The following BAZ2B variants were observed in gnomAD, a reference collection of about 807,000 sequenced individuals.
The protein encoded by BAZ2B is bromodomain adjacent to zinc finger domain 2B.
BAZ2B carries 91 observed loss-of-function variants against 246.0 expected under a neutral mutation model. The ratio of observed to expected loss-of-function variants is 0.37; its 90% CI spans 0.31 to 0.44. The LOEUF (loss-of-function observed/expected upper bound fraction) is 0.44, where lower values mean the gene tolerates loss of function less well. Ranked by LOEUF, BAZ2B falls within the 20% of genes least tolerant of loss-of-function variation. The pLI is 1.00. For synonymous variants in BAZ2B, 855 were observed against 860.0 expected, an observed-to-expected ratio of 0.99 and a Z score of 0.10; for missense variants, 2,332 against 2,533.7, an observed-to-expected ratio of 0.92 and a Z score of 1.71.
Position 159,446,801 on chromosome 2 carries a change from A to G in BAZ2B, c.677T>C (p.Val226Ala), listed in dbSNP as rs1559453153. ...ACTTACCTTATCTTTGATTTTGTCAACTCTAGCATCCAAAGGCTGGTTTTT... is the reference window on the plus strand; with the variant it reads ...ACTTACCTTATCTTTGATTTTGTCAGCTCTAGCATCCAAAGGCTGGTTTTT... The part of the protein sequence containing the change: ...QSKNQPLDAR[V>A]DKIKDKKPRK... Residue 226 changes from valine to alanine, a missense_variant, in exon 6 of 37, where the codon GTT (valine) becomes GCT (alanine). Val to Ala is a moderately conservative substitution (Grantham distance 64, BLOSUM62 0). Transcript: ENST00000392783. The G allele has an allele frequency of 6.2e-7, 1 of 1,608,958 alleles. No individual in the cohort carries two copies. The highest frequency in any genetic ancestry group is 2.2e-5 in the East Asian group (1 of 44,756).
At chr2:159,684,878 GTA>G in the BAZ2B span, among the ~76,000 whole-genome samples, 1 of 152,034 alleles carries the variant, frequency 6.6e-6, no homozygotes, top group African/African-American at 2.4e-5. Context: ...GATCAAAAAG[GTA>G]TTTTTAAAAC....
intron 2 of BAZ2B, among the ~76,000 whole-genome samples, chr2:159,552,110 C>T (rs1252611743): frequency 1.3e-5 from 2 of 152,186 alleles, no homozygotes; most frequent in East Asian, 1.9e-4. Context: ...GTTTTCTCGC[C>T]CATTACCTAA....
chr2:159,369,628 G>A lies in BAZ2B; in HGVS notation c.4213+3417C>T, dbSNP rs1254708152. ...AGATACTTCAAGTTTACATGCCCAA[G>A]TGACTAAGAAGAATGTGGCTCTTAA... On this transcript the variant is annotated intron_variant, in intron 27 of 36. Transcript: ENST00000392783. Among the ~76,000 whole-genome samples the A allele has an allele frequency of 2.0e-5, 3 of 152,166 alleles. No homozygotes were observed. The East Asian group carries it at 5.8e-4, about 29-fold the overall frequency.
rs989874985 is a variant in BAZ2B at position 159,412,482 on chromosome 2, G to A, written c.2530C>T (p.Arg844Cys). The A allele has an allele frequency of 3.7e-6, 6 of 1,613,958 alleles. No individual in the cohort carries two copies. The highest frequency in any genetic ancestry group is 2.2e-5 in the East Asian group (1 of 44,852). Residue 844 changes from arginine (R) to cysteine (C), a missense_variant, in exon 14 of 37, where the codon CGT becomes TGT. Physicochemically the swap from Arg to Cys is radical, Grantham distance 180 (BLOSUM62 -3). This residue lies in a region of BAZ2B where 651 missense variants were observed against 650.9 expected (regional missense o/e 1.00). Transcript: ENST00000392783. ...VIPRIRAMEGRRGRPPNPDRQ... is the reference protein window; with the variant it reads ...VIPRIRAMEGCRGRPPNPDRQ... ...TCTGGATTTGGTGGTCTTCCTCTAC[G>A]ACCTTCCATTGCCCTGATACGAGGA...
At chr2:159,707,225 C>T in the BAZ2B span, among the ~76,000 whole-genome samples, 1 of 151,976 alleles carries the variant, frequency 6.6e-6, no homozygotes, top group African/African-American at 2.4e-5. Context: ...GGCCCATGTA[C>T]CACAGTTTTC....
intron 2 of BAZ2B, among the ~76,000 whole-genome samples, chr2:159,501,081 G>A (rs2081652238): frequency 7.4e-6 from 1 of 135,564 alleles, no homozygotes; most frequent in Admixed American, 7.9e-5. Context: ...ATCAGCCTGG[G>A]CAACATGGTG....
the BAZ2B span, chr2:159,693,330 T>C: frequency 6.6e-6 from 1 of 152,072 alleles, no homozygotes; most frequent in Non-Finnish European, 1.5e-5. Context: ...TTTTATGAGG[T>C]GGATCCTTGA....
intron 13 of BAZ2B, among the ~76,000 whole-genome samples, chr2:159,425,461 G>A (rs1423522571): frequency 2.6e-5 from 4 of 152,170 alleles, no homozygotes; most frequent in South Asian, 2.1e-4. Flanking sequence ...GGTTACAGGC[G>A]TGAGCCACAA....
At chr2:159,586,270 A>C (rs1196443396) in intron 1 of BAZ2B, among the ~76,000 whole-genome samples, 2 of 152,194 alleles carry the variant, frequency 1.3e-5, no homozygotes, top group Admixed American at 1.3e-4. Context: ...CAAGACTAAA[A>C]GTTATTACTT....
intron 2 of BAZ2B, among the ~76,000 whole-genome samples, chr2:159,528,400 AGG>A (rs1254840300): frequency 6.6e-5 from 10 of 152,134 alleles, no homozygotes; most frequent in Non-Finnish European, 1.5e-4. Context: ...ACAGTAGAGA[AGG>A]CCAGGTGCAG....
intron 19 of BAZ2B, chr2:159,397,004 T>G: frequency 8.2e-7 from 1 of 1,221,708 alleles, no homozygotes; most frequent in Admixed American, 2.4e-5. Flanking sequence ...CTTTATGCAT[T>G]GCTATGACAA....
chr2:159,571,791 G>A (rs1405472201), intron 1 of BAZ2B, among the ~76,000 whole-genome samples: 1 of 152,142 alleles, frequency 6.6e-6, no homozygotes, highest in East Asian at 1.9e-4. Context: ...AGGATGGAAG[G>A]GCAAGGGAGT....
chr2:159,492,922 C>T (rs1460719898), intron 2 of BAZ2B, among the ~76,000 whole-genome samples: 1 of 152,062 alleles, frequency 6.6e-6, no homozygotes, highest in Non-Finnish European at 1.5e-5. Context: ...GTTAATGTGC[C>T]AACAACCTCT....
chr2:159,536,156 C>A (rs948354399), intron 2 of BAZ2B: 1 of 152,124 alleles, frequency 6.6e-6, no homozygotes, highest in Non-Finnish European at 1.5e-5. Flanking sequence ...CAACACTGAA[C>A]AGACATATGT....
chr2:159,652,842 T>G, the BAZ2B span, among the ~76,000 whole-genome samples: 1 of 151,974 alleles, frequency 6.6e-6, no homozygotes, highest in Non-Finnish European at 1.5e-5. Flanking sequence ...GGTCTCAAAC[T>G]CCTAGGCTCA....
intron 13 of BAZ2B, among the ~76,000 whole-genome samples, chr2:159,426,154 C>G (rs1221943282): frequency 6.6e-6 from 1 of 152,112 alleles, no homozygotes; most frequent in Non-Finnish European, 1.5e-5. Context: ...TTGATCTCAA[C>G]AAGACAGTAT....
At chr2:159,678,112 G>A in the BAZ2B span, among the ~76,000 whole-genome samples, 3 of 152,102 alleles carry the variant, frequency 2.0e-5, no homozygotes, top group African/African-American at 7.2e-5. Context: ...AAAATAAGGA[G>A]CATTTTTCTG....
At chr2:159,704,113 C>T in the BAZ2B span, among the ~76,000 whole-genome samples, 1 of 152,092 alleles carries the variant, frequency 6.6e-6, no homozygotes, top group African/African-American at 2.4e-5. Context: ...CTGTCAAGAG[C>T]ACTGAAGCTC....
chr2:159,478,172 T>A (rs1358064673), intron 3 of BAZ2B, among the ~76,000 whole-genome samples: 1 of 152,198 alleles, frequency 6.6e-6, no homozygotes, highest in Non-Finnish European at 1.5e-5. Context: ...AAGTAAATGA[T>A]CTGCCTTAGT....
Sources: gnomAD v4.1 joint callset for allele counts (sites outside exome capture counted in the v4.1 genomes callset) on GRCh38, gnomAD v4.1.1 for gene constraint, gnomAD v4.1.1 regional missense constraint, MANE v1.5 for transcripts, NCBI Gene and HGNC (gene_info 2026-07-23, HGNC 2026-07-21) for gene names.